The following CACHD1 variants were observed in gnomAD, a reference collection of about 807,000 sequenced individuals.
The protein encoded by CACHD1 is VWFA and cache domain-containing protein 1.
In CACHD1, 71 loss-of-function variants were observed where a neutral mutation model predicts 138.7. The ratio of observed to expected loss-of-function variants is 0.51; its 90% CI spans 0.42 to 0.62. The LOEUF is 0.62. Ranked by LOEUF, CACHD1 falls within the 20% of genes least tolerant of loss-of-function variation. CACHD1 has a pLI of 0.00. For synonymous variants in CACHD1, 578 were observed against 591.5 expected (o/e 0.98, Z 0.33); for missense variants, 1,389 against 1,625.3 (o/e 0.85, Z 2.50).
chr1:64,537,557 T>G (rs527516069), intron 1 of CACHD1, among the ~76,000 whole-genome samples: 3 of 152,326 alleles, frequency 2.0e-5, no homozygotes, highest in South Asian at 4.1e-4. Flanking sequence ...GTGTCATAGC[T>G]GGATCTTTAA....
chr1:64,659,891 C>T (rs1388595760), intron 13 of CACHD1, among the ~76,000 whole-genome samples: 1 of 152,192 alleles, frequency 6.6e-6, no homozygotes, highest in East Asian at 1.9e-4. Context: ...CAAATGATAG[C>T]ACTCGTGTTT....
chr1:64,472,852 C>A (rs1447142415), intron 1 of CACHD1, among the ~76,000 whole-genome samples: 3 of 151,786 alleles, frequency 2.0e-5, no homozygotes, highest in Admixed American at 1.3e-4. Context: ...AGGATTCCCC[C>A]CTATCCCGCC....
intron 3 of CACHD1, among the ~76,000 whole-genome samples, chr1:64,602,062 C>T (rs924039448): frequency 2.0e-5 from 3 of 151,962 alleles, no homozygotes; most frequent in Non-Finnish European, 4.4e-5. Flanking sequence ...TCATTGATTC[C>T]ACTAATATTT....
chr1:64,641,984 A>G lies in CACHD1; in HGVS notation c.1156+15A>G. Reference sequence around the variant, plus strand: ...CCTCATGAACGGTAGGTAGAGTTTCAAGATATTCCTTTCAGATCAAAGATC... The same window carrying G: ...CCTCATGAACGGTAGGTAGAGTTTCGAGATATTCCTTTCAGATCAAAGATC... On this transcript the variant is annotated intron_variant, in intron 8 of 26. Transcript: ENST00000651257. 6.5e-7 allele frequency: 1 copy of G among 1,536,774 alleles called. No individual in the cohort carries two copies. Among genetic ancestry groups the G allele is most frequent in the Non-Finnish European group, 8.7e-7 (1 of 1,149,444 alleles).
intron 3 of CACHD1, among the ~76,000 whole-genome samples, chr1:64,592,109 A>G (rs1336668295): frequency 7.2e-5 from 11 of 152,232 alleles, no homozygotes. Flanking sequence ...TATTCATGAT[A>G]GTCATTGTTT....
chr1:64,610,287 A>G (rs749169798), intron 4 of CACHD1, among the ~76,000 whole-genome samples: 2 of 152,170 alleles, frequency 1.3e-5, no homozygotes, highest in Non-Finnish European at 2.9e-5. Context: ...AAACATAATC[A>G]TGCCCTTCTA....
At chr1:64,612,071 G>A (rs1236679962) in intron 4 of CACHD1, among the ~76,000 whole-genome samples, 1 of 152,126 alleles carries the variant, frequency 6.6e-6, no homozygotes, top group African/African-American at 2.4e-5. Flanking sequence ...GATTTAGTGA[G>A]AACTCACTAT....
chr1:64,683,864 A>C (rs1650269398), intron 26 of CACHD1, among the ~76,000 whole-genome samples: 1 of 152,236 alleles, frequency 6.6e-6, no homozygotes, highest in Non-Finnish European at 1.5e-5. Context: ...ACATTGAGTT[A>C]ATGTCCCTGT....
chr1:64,542,452 G>A (rs968902936), intron 1 of CACHD1, among the ~76,000 whole-genome samples: 1 of 152,092 alleles, frequency 6.6e-6, no homozygotes, highest in Non-Finnish European at 1.5e-5. Flanking sequence ...TTTTTATAGT[G>A]AGCATCAAAC....
chr1:64,663,869 G>C, intron 14 of CACHD1, 32 bp downstream of exon 14: 1 of 1,613,546 alleles, frequency 6.2e-7, no homozygotes, highest in Non-Finnish European at 8.5e-7. Flanking sequence ...CATTTCTGGT[G>C]TCCCCCTCCA....
rs1648220337 is a variant in CACHD1 at position 64,629,343 on chromosome 1, T to G, written c.518-12T>G. The G allele has an allele frequency of 6.2e-7, 1 of 1,613,416 alleles. No individual in the cohort carries two copies. The highest frequency in any genetic ancestry group is 1.7e-5 in the Admixed American group (1 of 59,932). ...ATTTGGTGGTTATATTTCATTTTCCTTACACCTCTAGTTCTTGCAGACAAC... is the reference window on the plus strand; with the variant it reads ...ATTTGGTGGTTATATTTCATTTTCCGTACACCTCTAGTTCTTGCAGACAAC... On this transcript the variant is annotated splice_polypyrimidine_tract_variant and intron_variant, in intron 4 of 26. Coordinates refer to ENST00000651257, the MANE Select transcript of CACHD1 (RefSeq NM_020925.4).
At chr1:64,556,326 T>A (rs189003901) in intron 2 of CACHD1, among the ~76,000 whole-genome samples, 1 of 152,360 alleles carries the variant, frequency 6.6e-6, no homozygotes, top group Admixed American at 6.5e-5. Context: ...ATAGGTTAGT[T>A]ATTCAAAGCA....
intron 1 of CACHD1, among the ~76,000 whole-genome samples, chr1:64,543,398 AATACATATATATAT>A (rs1286778984): frequency 1.9e-5 from 1 of 53,074 alleles, no homozygotes; most frequent in African/African-American, 8.0e-5. Flanking sequence ...TCTAAAAAAA[AATACATATATATAT>A]ATATATATAT....
At chr1:64,688,238 G>A (rs1650429603) in intron 26 of CACHD1, among the ~76,000 whole-genome samples, 1 of 152,030 alleles carries the variant, frequency 6.6e-6, no homozygotes, top group Admixed American at 6.5e-5. Flanking sequence ...ATAATCACTG[G>A]GATTTTGCTA....
chr1:64,568,512 A>G (rs373171290), intron 2 of CACHD1, among the ~76,000 whole-genome samples: 1 of 152,198 alleles, frequency 6.6e-6, no homozygotes, highest in South Asian at 2.1e-4. Flanking sequence ...AGAGAGAGGA[A>G]GCCACCTGAT....
At chr1:64,546,739 T>A (rs372395623) in intron 1 of CACHD1, among the ~76,000 whole-genome samples, 272 of 152,332 alleles carry the variant, frequency 1.8e-3, no homozygotes, top group Admixed American at 3.1e-3. Context: ...AAATGTTGGC[T>A]AGGTGTATCA....
chr1:64,521,718 A>G (rs1646499266), intron 1 of CACHD1, among the ~76,000 whole-genome samples: 1 of 152,078 alleles, frequency 6.6e-6, no homozygotes, highest in Non-Finnish European at 1.5e-5. Flanking sequence ...TCTCTTGGGT[A>G]TATGTTTTTG....
intron 25 of CACHD1, 96 bp from the exon 26 acceptor site, chr1:64,681,909 T>C (rs746655352): frequency 1.9e-6 from 2 of 1,035,366 alleles, no homozygotes; most frequent in Admixed American, 2.0e-5. Context: ...AAGAGAATTC[T>C]CCCAGCATGT....
At chr1:64,663,321 G>C (rs1451388435) in intron 13 of CACHD1, among the ~76,000 whole-genome samples, 3 of 152,204 alleles carry the variant, frequency 2.0e-5, no homozygotes, top group African/African-American at 7.2e-5. Flanking sequence ...GGGAGGACGA[G>C]ACAGGTGGAT....
Sources: allele counts gnomAD v4.1 joint callset (sites outside exome capture counted in the v4.1 genomes callset), GRCh38; gene constraint gnomAD v4.1.1; transcripts MANE v1.5; gene names NCBI Gene and HGNC (gene_info 2026-07-23, HGNC 2026-07-21).